CFAP54: variants seen among roughly 807,000 people sequenced by gnomAD.
CFAP54 encodes cilia and flagella associated protein 54.
A neutral mutation model predicts 370.4 loss-of-function variants in CFAP54; 290 were observed. The observed-to-expected ratio is 0.78, with a 90% CI of 0.71 to 0.86. The LOEUF is 0.86. Among genes scored for constraint, CFAP54 ranks in the 40% least tolerant of loss-of-function variants. The probability of loss-of-function intolerance (pLI) is 0.00; values close to 1 mark genes in which losing one functional copy is unlikely to be tolerated. For missense variants in CFAP54, 3,399 were observed against 3,528.7 expected (o/e 0.96, Z 0.93); for synonymous variants, 1,206 against 1,236.5 (o/e 0.98, Z 0.52).
intron 39 of CFAP54, among the ~76,000 whole-genome samples, chr12:96,676,815 C>T (rs2136542918): frequency 6.6e-6 from 1 of 152,202 alleles, no homozygotes; most frequent in South Asian, 2.1e-4. Flanking sequence ...GCATGAACCA[C>T]CACACCCAGC....
intron 24 of CFAP54, among the ~76,000 whole-genome samples, chr12:96,592,901 A>G (rs1662328734): frequency 6.6e-6 from 1 of 152,186 alleles, no homozygotes; most frequent in South Asian, 2.1e-4. Context: ...TATATAATGT[A>G]TAAAGTGAAA....
chr12:96,595,155 T>C (rs982966268), intron 25 of CFAP54, among the ~76,000 whole-genome samples: 1 of 152,194 alleles, frequency 6.6e-6, no homozygotes, highest in African/African-American at 2.4e-5. Flanking sequence ...CCTTAGCTCC[T>C]AAAGGCCAAC....
intron 63 of CFAP54, among the ~76,000 whole-genome samples, chr12:96,801,289 C>T (rs922689849): frequency 4.6e-5 from 7 of 152,118 alleles, no homozygotes; most frequent in East Asian, 1.9e-4. Flanking sequence ...CTTGAGTATA[C>T]GAGGTAGAAA....
At chr12:96,782,236 G>T (rs915780846) in intron 60 of CFAP54, among the ~76,000 whole-genome samples, 6 of 152,038 alleles carry the variant, frequency 3.9e-5, no homozygotes, top group African/African-American at 1.4e-4. Context: ...TAAATATTCA[G>T]ATGCCAAAAC....
intron 3 of CFAP54, among the ~76,000 whole-genome samples, chr12:96,505,240 T>G (rs1294942219): frequency 1.3e-5 from 2 of 151,834 alleles, no homozygotes; most frequent in Non-Finnish European, 2.9e-5. Context: ...ATTTTTGTAT[T>G]TTTAGTAGAG....
At chr12:96,617,869 A>T (rs2136461855) in intron 26 of CFAP54, among the ~76,000 whole-genome samples, 1 of 151,882 alleles carries the variant, frequency 6.6e-6, no homozygotes, top group Non-Finnish European at 1.5e-5. Context: ...GGGCGCCTGT[A>T]GTCCCAGCTA....
intron 62 of CFAP54, among the ~76,000 whole-genome samples, chr12:96,791,841 ATTTTTTTTTC>A (rs1184936003): frequency 7.1e-6 from 1 of 141,540 alleles, no homozygotes. Context: ...GTTCTGAAGC[ATTTTTTTTTC>A]TTTTTTTTTT....
chr12:96,743,884 C>G lies in CFAP54; in HGVS notation c.7531C>G (p.Arg2511Gly). 6.2e-7 allele frequency: 1 copy of G among 1,613,384 alleles called. No homozygotes were observed. The highest frequency in any genetic ancestry group is 8.5e-7 in the Non-Finnish European group (1 of 1,179,728). The change falls in exon 54 of 68, where the codon CGG becomes GGG. Residue 2511 changes from arginine to glycine, a missense_variant. Arg to Gly is a moderately radical substitution (Grantham distance 125). Around this residue, in one of 3 missense-constraint regions of CFAP54, gnomAD observed 2,796 missense variants for 2,869.7 expected, o/e 0.97. Transcript: ENST00000524981. ...SKTGKLNLLT[R>G]AHSILTEQML... ...AACAGGAAAATTAAATTTGTTAACT[C>G]GGGCTCATAGCATTCTAACTGAACA...
chr12:96,544,490 A>AC (rs148069341), intron 14 of CFAP54, among the ~76,000 whole-genome samples: 1 of 151,040 alleles, frequency 6.6e-6, no homozygotes, highest in African/African-American at 2.4e-5. Context: ...CTCTCCAAGG[A>AC]TGGCCATAGA....
At position 96,725,170 on chromosome 12, in the gene CFAP54, G is replaced by T. The variant is rs4762165; in HGVS notation, c.6965+4605G>T. On this transcript the variant is annotated intron_variant, in intron 50 of 67. Transcript: ENST00000524981. ...ACTTGGCGATGCGGGCTCTTTTTTG[G>T]TTCCATATGAACTTTAAAGTAATTT... is the stretch of plus-strand genomic sequence containing the variant. 9.6e-3 allele frequency among the ~76,000 whole-genome samples: 1,464 copies of T among 151,900 alleles called. 52 individuals are homozygous for T. In the East Asian group the frequency reaches 0.1, roughly 11 times the overall value.
chr12:96,580,594 C>A lies in CFAP54; in HGVS notation c.2797-3C>A. Reference sequence around the variant, plus strand: ...TAAACAGGCTCATTTTTCTCGTCGGCAGGTCTCCTGGTACTGCATTTTGGG... The same window carrying A: ...TAAACAGGCTCATTTTTCTCGTCGGAAGGTCTCCTGGTACTGCATTTTGGG... On this transcript the variant is annotated splice_region_variant and splice_polypyrimidine_tract_variant and intron_variant, in intron 20 of 67. Transcript: ENST00000524981. The A allele has an allele frequency of 6.7e-7, 1 of 1,481,754 alleles. No homozygotes were observed. The highest frequency in any genetic ancestry group is 8.9e-7 in the Non-Finnish European group (1 of 1,119,832). The allele number at this position is 1,481,754 out of a possible 1,614,324, so 91.8% of individuals were successfully genotyped here.
At chr12:96,632,819 T>G (rs1366909741) in intron 32 of CFAP54, among the ~76,000 whole-genome samples, 1 of 152,048 alleles carries the variant, frequency 6.6e-6, no homozygotes, top group Non-Finnish European at 1.5e-5. Context: ...TATAGGAAGG[T>G]TTTTAAAAAT....
chr12:96,827,840 A>C lies in CFAP54; in HGVS notation c.9097-1174A>C, dbSNP rs188251988. Among the ~76,000 whole-genome samples, 967 of 111,996 alleles carry C rather than the reference A, an allele frequency of 8.6e-3. 26 individuals are homozygous for C. Among genetic ancestry groups the C allele is most frequent in the African/African-American group, 0.034 (920 of 27,422 alleles). The allele number at this position is 111,996 out of a possible 152,430, so 73.5% of individuals were successfully genotyped here. ...TATATTATATATAGTTATATATAATATATAATTATATATAATACATAGTAA... is the reference window on the plus strand; with the variant it reads ...TATATTATATATAGTTATATATAATCTATAATTATATATAATACATAGTAA... On this transcript the variant is annotated intron_variant, in intron 65 of 67. Transcript: ENST00000524981.
At chr12:96,655,382 A>G (rs1956910460) in intron 36 of CFAP54, among the ~76,000 whole-genome samples, 1 of 152,068 alleles carries the variant, frequency 6.6e-6, no homozygotes. Flanking sequence ...TAGTTGATGA[A>G]GAGGAATTTT....
chr12:96,697,632 CAGAG>C (rs1233890163), intron 45 of CFAP54, among the ~76,000 whole-genome samples: 1 of 152,168 alleles, frequency 6.6e-6, no homozygotes, highest in African/African-American at 2.4e-5. Flanking sequence ...AAATGGGAAA[CAGAG>C]AGTATGATGG....
At chr12:96,610,066 G>A (rs1307457118) in intron 26 of CFAP54, among the ~76,000 whole-genome samples, 1 of 152,140 alleles carries the variant, frequency 6.6e-6, no homozygotes, top group African/African-American at 2.4e-5. Context: ...TTTGCCATAA[G>A]GCCACTTTAA....
At chr12:96,562,077 C>T (rs550817276) in intron 17 of CFAP54, among the ~76,000 whole-genome samples, 14 of 151,730 alleles carry the variant, frequency 9.2e-5, no homozygotes, top group South Asian at 2.1e-4. Flanking sequence ...TGAGCCACTG[C>T]GCCTGACCAC....
In CFAP54 at chr12:96,853,150, A is replaced by G. The variant is rs114476260; in HGVS notation, c.9172-7669A>G. On this transcript the variant is annotated intron_variant, in intron 66 of 67. Coordinates refer to ENST00000524981, the MANE Select transcript of CFAP54 (RefSeq NM_001306084.2). ...TATGCATCAAAAGATATTTTTATTC[A>G]TAACACCAAAAAATTGGAAGTAACT... Among the ~76,000 whole-genome samples, 671 of 152,296 alleles carry G rather than the reference A, an allele frequency of 4.4e-3. 3 individuals are homozygous for G. The highest frequency in any genetic ancestry group is 0.015 in the African/African-American group (644 of 41,574).
intron 60 of CFAP54, among the ~76,000 whole-genome samples, chr12:96,782,525 A>T (rs2136691331): frequency 6.6e-6 from 1 of 152,294 alleles, no homozygotes; most frequent in East Asian, 1.9e-4. Context: ...TACAGTAGCT[A>T]CAAAAATATA....
Sources: allele counts gnomAD v4.1 joint callset (sites outside exome capture counted in the v4.1 genomes callset), GRCh38; gene constraint gnomAD v4.1.1; regional missense constraint gnomAD v4.1.1; transcripts MANE v1.5; gene names NCBI Gene and HGNC (gene_info 2026-07-23, HGNC 2026-07-21).